TP53BP1: variants seen among roughly 807,000 people sequenced by gnomAD.
TP53BP1 encodes TP53-binding protein 1.
TP53BP1 carries 61 observed loss-of-function variants against 200.8 expected under a neutral mutation model. That is an observed-to-expected ratio of 0.30 (90% CI 0.25 to 0.38). TP53BP1 has a LOEUF of 0.38. TP53BP1 is among the 10% of genes least tolerant of loss of function. The probability of loss-of-function intolerance (pLI) is 1.00; values close to 1 mark genes in which losing one functional copy is unlikely to be tolerated. For missense variants in TP53BP1, 2,144 were observed against 2,371.9 expected, an observed-to-expected ratio of 0.90 and a Z score of 2.00; for synonymous variants, 822 against 844.3, an observed-to-expected ratio of 0.97 and a Z score of 0.46.
At chr15:43,441,836 C>T (rs972049430) in intron 14 of TP53BP1, among the ~76,000 whole-genome samples, 2 of 152,048 alleles carry the variant, frequency 1.3e-5, no homozygotes, top group East Asian at 1.9e-4. Context: ...CTGCAACCTC[C>T]GCCTCCTGGG....
chr15:43,483,734 G>C (rs939289967), intron 4 of TP53BP1, among the ~76,000 whole-genome samples: 5 of 152,226 alleles, frequency 3.3e-5, no homozygotes. Flanking sequence ...TTGGGAAACA[G>C]AGGGAAAGAA....
At chr15:43,478,319 C>T (rs981646700) in intron 7 of TP53BP1, among the ~76,000 whole-genome samples, 1 of 152,152 alleles carries the variant, frequency 6.6e-6, no homozygotes. Context: ...ACCTGTTCTA[C>T]CACTCCCCAG....
At chr15:43,460,314 G>A (rs903057781) in intron 11 of TP53BP1, among the ~76,000 whole-genome samples, 1 of 152,164 alleles carries the variant, frequency 6.6e-6, no homozygotes, top group African/African-American at 2.4e-5. Flanking sequence ...AGGCTGGAGT[G>A]CAGTGGCTTA....
rs1341154358 is a variant in TP53BP1 at position 43,422,064 on chromosome 15, A to G, written c.3891T>C (p.Thr1297=). Residue 1297 remains threonine, a synonymous_variant, in exon 19 of 28, where the codon ACT becomes ACC. Transcript: ENST00000382044. ...ECETEVSPSQ[T]GGSSGDLGDI... is the part of the protein sequence containing the mutation. ...CCCCCAGGTCACCTGAGGAGCCCCCAGTCTGTGAAGGGGAAACTTCAGTTT... is the reference window on the plus strand; with the variant it reads ...CCCCCAGGTCACCTGAGGAGCCCCCGGTCTGTGAAGGGGAAACTTCAGTTT... 1.9e-6 allele frequency: 3 copies of G among 1,614,082 alleles called. No homozygotes were observed. The highest frequency in any genetic ancestry group is 2.7e-5 in the African/African-American group (2 of 74,922).
chr15:43,487,024 A>C (rs988693068), intron 4 of TP53BP1, among the ~76,000 whole-genome samples: 14 of 152,188 alleles, frequency 9.2e-5, no homozygotes, highest in African/African-American at 3.4e-4. Flanking sequence ...AACCCTATGA[A>C]GAGAAAGAAA....
intron 8 of TP53BP1, among the ~76,000 whole-genome samples, chr15:43,477,159 G>T (rs547273565): frequency 6.6e-6 from 1 of 152,176 alleles, no homozygotes; most frequent in African/African-American, 2.4e-5. Context: ...AATTAGCCAA[G>T]CATGGTGGCG....
chr15:43,420,244 AAC>A, intron 21 of TP53BP1, 59 bp downstream of exon 21: 2 of 1,466,492 alleles, frequency 1.4e-6, no homozygotes, highest in Non-Finnish European at 1.9e-6. Flanking sequence ...CTACTAACAT[AAC>A]AGAGTATTAT....
chr15:43,434,563 A>G (rs1030566625), intron 16 of TP53BP1, among the ~76,000 whole-genome samples: 5 of 152,202 alleles, frequency 3.3e-5, no homozygotes, highest in Admixed American at 3.3e-4. Flanking sequence ...TAAGAGGCAG[A>G]GCCCTCATGA....
At position 43,477,221 on chromosome 15, in the gene TP53BP1, T is replaced by C. The variant is rs539208842; in HGVS notation, c.955+372A>G. 2.7e-4 allele frequency among the ~76,000 whole-genome samples: 40 copies of C among 148,958 alleles called. 1 individual carries two copies. The highest frequency in any genetic ancestry group is 2.6e-3 in the Admixed American group (39 of 14,764). Reference sequence around the variant, plus strand: ...AGGCTGAGGCAGGAGAATGGCATGATCCCGGGAGGCGGAGCTTGCAGTGAG... The same window carrying C: ...AGGCTGAGGCAGGAGAATGGCATGACCCCGGGAGGCGGAGCTTGCAGTGAG... On this transcript the variant is annotated intron_variant, in intron 8 of 27. Coordinates refer to ENST00000382044, the MANE Select transcript of TP53BP1 (RefSeq NM_001141980.3).
At chr15:43,436,030 C>T (rs1295157874) in intron 16 of TP53BP1, among the ~76,000 whole-genome samples, 1 of 151,566 alleles carries the variant, frequency 6.6e-6, no homozygotes, top group Non-Finnish European at 1.5e-5. Flanking sequence ...CTGGCTTTGT[C>T]GCCCAGGCTG....
chr15:43,442,580 C>G (rs1302501332), intron 14 of TP53BP1, among the ~76,000 whole-genome samples: 3 of 151,912 alleles, frequency 2.0e-5, no homozygotes, highest in African/African-American at 7.3e-5. Flanking sequence ...TTGCTGCAAC[C>G]TGTGTCTCCT....
intron 1 of TP53BP1, 43 bp downstream of exon 1, chr15:43,492,994 G>C (rs766051411): frequency 1.0e-4 from 161 of 1,611,060 alleles, no homozygotes; most frequent in Non-Finnish European, 1.2e-4. Context: ...CGAAATCCAG[G>C]CCTTCAGAGC....
chr15:43,506,824 G>A (rs975398666), intron 1 of TP53BP1, among the ~76,000 whole-genome samples: 1 of 152,148 alleles, frequency 6.6e-6, no homozygotes, highest in African/African-American at 2.4e-5. Flanking sequence ...CTGGAGACAG[G>A]GAGCCTTCAC....
rs749201688 is a variant in TP53BP1, at chr15:43,415,823, A to G, written c.4874-14T>C. 1 of 1,612,080 alleles carries G rather than the reference A, an allele frequency of 6.2e-7. No homozygotes were observed. Among genetic ancestry groups the G allele is most frequent in the Non-Finnish European group, 8.5e-7 (1 of 1,178,544 alleles). On this transcript the variant is annotated splice_polypyrimidine_tract_variant and intron_variant, in intron 22 of 27. Coordinates refer to ENST00000382044, the MANE Select transcript of TP53BP1 (RefSeq NM_001141980.3). ...CCACCAAATTGTCTATGGCAGGATA[A>G]GCCAAACAGGTTGGTCAAACTCTAT... is the stretch of plus-strand genomic sequence containing the variant.
chr15:43,438,362 A>G lies in TP53BP1; in HGVS notation c.3153T>C (p.Asn1051=). 6.2e-7 allele frequency: 1 copy of G among 1,613,950 alleles called. No individual in the cohort carries two copies. The highest frequency in any genetic ancestry group is 8.5e-7 in the Non-Finnish European group (1 of 1,179,938). Reference sequence around the variant, plus strand: ...TGGGGGGATCCTCACTTCGAGCCTCATTCTCTTGCCTGGCTTCACAGATAC... The same window carrying G: ...TGGGGGGATCCTCACTTCGAGCCTCGTTCTCTTGCCTGGCTTCACAGATAC... ...LSCICEARQE[N]EARSEDPPTT... is the part of the protein sequence containing the mutation. The change falls in exon 16 of 28, where the codon AAT becomes AAC. Residue 1051 remains asparagine, a synonymous_variant. Transcript: ENST00000382044.
chr15:43,438,022 G>C (rs1448104016), intron 16 of TP53BP1, among the ~76,000 whole-genome samples: 1 of 152,246 alleles, frequency 6.6e-6, no homozygotes, highest in African/African-American at 2.4e-5. Context: ...ATTCAAGAAG[G>C]TGGAAAGGGG....
rs150153732 is a variant in TP53BP1 at position 43,443,535 on chromosome 15, T to C, written c.3041-1952A>G. 3.6e-3 allele frequency among the ~76,000 whole-genome samples: 542 copies of C among 152,012 alleles called. 3 individuals carry two copies. The highest frequency in any genetic ancestry group is 0.012 in the African/African-American group (511 of 41,474). ...GGCGAAGCCCCATCTCTATAATAAA[T>C]ACAAAAATTAACCAGGCATGGGTGG... On this transcript the variant is annotated intron_variant, in intron 14 of 27. Transcript: ENST00000382044.
rs772508116 is a variant in TP53BP1 at position 43,414,314 on chromosome 15, G to C, written c.5090-980C>G. On this transcript the variant is annotated intron_variant, in intron 23 of 27. Coordinates refer to ENST00000382044, the MANE Select transcript of TP53BP1 (RefSeq NM_001141980.3). ...CTAGCACCTATACTTCATAAGGATTGTATGTGAGGTATTATGTGTGAAGTA... is the reference window on the plus strand; with the variant it reads ...CTAGCACCTATACTTCATAAGGATTCTATGTGAGGTATTATGTGTGAAGTA... 4.6e-5 allele frequency among the ~76,000 whole-genome samples: 7 copies of C among 152,292 alleles called. 1 individual carries two copies. Among genetic ancestry groups the C allele is most frequent in the Admixed American group, 4.6e-4 (7 of 15,302 alleles).
upstream of TP53BP1, chr15:43,493,183 T>C (rs2079154326): frequency 1.3e-6 from 2 of 1,487,168 alleles, no homozygotes; most frequent in African/African-American, 1.4e-5. Flanking sequence ...TCACACAATA[T>C]CGGATCGTCC....
Sources: gnomAD v4.1 joint callset for allele counts (sites outside exome capture counted in the v4.1 genomes callset) on GRCh38, gnomAD v4.1.1 for gene constraint, MANE v1.5 for transcripts, NCBI Gene and HGNC (gene_info 2026-07-23, HGNC 2026-07-21) for gene names.